WWOX: variants seen among roughly 807,000 people sequenced by gnomAD.
WWOX encodes WW domain containing oxidoreductase.
WWOX carries 69 observed loss-of-function variants against 46.2 expected under a neutral mutation model. The observed-to-expected ratio is 1.49, with a 90% CI of 1.23 to 1.82. The LOEUF is 1.82. Among genes scored for constraint, WWOX ranks in the 40% most tolerant of loss-of-function variants. The pLI is 0.00. For missense variants in WWOX, 919 were observed against 542.6 expected, an observed-to-expected ratio of 1.69 and a Z score of -6.89; for synonymous variants, 359 against 202.6, an observed-to-expected ratio of 1.77 and a Z score of -6.56.
At chr16:78,360,081 G>A (rs977299616) in intron 5 of WWOX, among the ~76,000 whole-genome samples, 2 of 152,024 alleles carry the variant, frequency 1.3e-5, no homozygotes, top group African/African-American at 4.8e-5. Context: ...TTGTCAAAAA[G>A]ATTTTCCCCC....
intron 8 of WWOX, among the ~76,000 whole-genome samples, chr16:78,511,845 CAG>C (rs1164721634): frequency 6.6e-6 from 1 of 152,178 alleles, no homozygotes; most frequent in Non-Finnish European, 1.5e-5. Flanking sequence ...TGGAATGAGA[CAG>C]AGATGTCTTG....
intron 8 of WWOX, among the ~76,000 whole-genome samples, chr16:78,500,285 C>A (rs747668581): frequency 6.6e-6 from 1 of 152,134 alleles, no homozygotes; most frequent in East Asian, 1.9e-4. Context: ...TGCTGTGGTT[C>A]CTAAGTCTCC....
intron 8 of WWOX, among the ~76,000 whole-genome samples, chr16:78,844,736 G>A (rs534904767): frequency 3.9e-5 from 6 of 152,292 alleles, no homozygotes; most frequent in Non-Finnish European, 7.4e-5. Flanking sequence ...TACAAGATGC[G>A]TCTGGAAACC....
chr16:78,745,523 T>A (rs1181357192), intron 8 of WWOX, among the ~76,000 whole-genome samples: 1 of 99,056 alleles, frequency 1.0e-5, no homozygotes, highest in African/African-American at 9.6e-5. Context: ...GTGGAAATCC[T>A]TTTTTTTTTT....
chr16:78,566,486 G>A (rs117951281), intron 8 of WWOX, among the ~76,000 whole-genome samples: 2,670 of 152,246 alleles, frequency 0.018, 43 homozygotes, highest in African/African-American at 0.041. Context: ...CCTGATTGTC[G>A]CTGGCCTTGC....
At chr16:78,491,755 G>A (rs149601837) in intron 8 of WWOX, among the ~76,000 whole-genome samples, 1 of 152,150 alleles carries the variant, frequency 6.6e-6, no homozygotes, top group East Asian at 1.9e-4. Flanking sequence ...TGGGAGATGG[G>A]AGCTGAATTT....
intron 5 of WWOX, among the ~76,000 whole-genome samples, chr16:78,257,821 C>T (rs2038172337): frequency 6.6e-6 from 1 of 152,192 alleles, no homozygotes; most frequent in Non-Finnish European, 1.5e-5. Context: ...GACTTAGATT[C>T]TGGTACTATC....
At chr16:78,113,172 C>T (rs1237063019) in intron 3 of WWOX, among the ~76,000 whole-genome samples, 4 of 152,092 alleles carry the variant, frequency 2.6e-5, no homozygotes. Flanking sequence ...CCTGGGAATT[C>T]AATAAAAATG....
At chr16:78,850,085 T>A (rs546402105) in intron 8 of WWOX, among the ~76,000 whole-genome samples, 2 of 150,698 alleles carry the variant, frequency 1.3e-5, no homozygotes, top group Admixed American at 1.3e-4. Context: ...AAAAAAAAAA[T>A]AGAGTGATAG....
intron 8 of WWOX, among the ~76,000 whole-genome samples, chr16:78,519,871 GC>G (rs1446168522): frequency 6.6e-6 from 1 of 152,140 alleles, no homozygotes; most frequent in African/African-American, 2.4e-5. Context: ...TTACTCATAA[GC>G]CACCTAAGTT....
At chr16:78,998,986 T>C (rs1367124294) in intron 8 of WWOX, among the ~76,000 whole-genome samples, 1 of 152,192 alleles carries the variant, frequency 6.6e-6, no homozygotes, top group Admixed American at 6.5e-5. Context: ...AAGTCCCAGA[T>C]GTAACAGCGG....
intron 8 of WWOX, among the ~76,000 whole-genome samples, chr16:78,512,029 A>G (rs1297192106): frequency 6.6e-6 from 1 of 152,248 alleles, no homozygotes; most frequent in Non-Finnish European, 1.5e-5. Context: ...TCAGAAATAA[A>G]GGGTTTTAGA....
chr16:78,432,673 T>A lies in WWOX; in HGVS notation c.977T>A (p.Met326Lys), dbSNP rs371996496. ...TCGAACGCAGTGCATCCTGGAAATA[T>A]GATGTACTCCAACATTCATCGCAGC... ...VTSNAVHPGNMMYSNIHRSWW... is the reference protein window; with the variant it reads ...VTSNAVHPGNKMYSNIHRSWW... The change falls in exon 8 of 9, where the codon ATG becomes AAG. Residue 326 changes from methionine (M) to lysine (K), a missense_variant. Met to Lys is a moderately conservative substitution (Grantham distance 95, BLOSUM62 -1). Transcript: ENST00000566780. The A allele has an allele frequency of 6.2e-7, 1 of 1,614,096 alleles. No individual in the cohort carries two copies. Among genetic ancestry groups the A allele is most frequent in the African/African-American group, 1.3e-5 (1 of 74,938 alleles).
intron 8 of WWOX, among the ~76,000 whole-genome samples, chr16:78,512,539 G>C (rs113350510): frequency 1.6e-3 from 249 of 152,190 alleles, no homozygotes; most frequent in African/African-American, 5.7e-3. Flanking sequence ...ATTAGAAATG[G>C]AATTTTTAAA....
chr16:78,418,631 C>G (rs58760089), intron 6 of WWOX, among the ~76,000 whole-genome samples: 2,254 of 152,204 alleles, frequency 0.015, 48 homozygotes, highest in East Asian at 0.063. Flanking sequence ...TTTATCCAAA[C>G]AATTCACGGT....
intron 8 of WWOX, among the ~76,000 whole-genome samples, chr16:78,645,370 AC>A (rs1435629661): frequency 2.6e-5 from 4 of 152,092 alleles, no homozygotes; most frequent in African/African-American, 9.7e-5. Flanking sequence ...GTCTTCTCTT[AC>A]CATTCTGGAG....
At chr16:79,159,643 C>G (rs1425082143) in intron 8 of WWOX, among the ~76,000 whole-genome samples, 1 of 152,162 alleles carries the variant, frequency 6.6e-6, no homozygotes, top group Non-Finnish European at 1.5e-5. Context: ...CCCGTGTCCC[C>G]TTGCAGGACA....
intron 8 of WWOX, among the ~76,000 whole-genome samples, chr16:78,549,922 G>C (rs1048275364): frequency 6.6e-6 from 1 of 151,562 alleles, no homozygotes; most frequent in Non-Finnish European, 1.5e-5. Flanking sequence ...AGTTGACTGA[G>C]AAAAAAGAAA....
intron 8 of WWOX, among the ~76,000 whole-genome samples, chr16:78,740,216 G>C (rs899975944): frequency 1.3e-5 from 2 of 152,150 alleles, no homozygotes; most frequent in Non-Finnish European, 2.9e-5. Context: ...GAAGAAATGG[G>C]ACTCAGGAAG....
Sources: gnomAD v4.1 joint callset for allele counts (sites outside exome capture counted in the v4.1 genomes callset) on GRCh38, gnomAD v4.1.1 for gene constraint, MANE v1.5 for transcripts, NCBI Gene and HGNC (gene_info 2026-07-23, HGNC 2026-07-21) for gene names.